Variants in GSAP observed in about 807,000 individuals in gnomAD.
The protein encoded by GSAP is gamma-secretase-activating protein.
In GSAP, 118 loss-of-function variants were observed where a neutral mutation model predicts 131.7. That is an observed-to-expected ratio of 0.90 (90% CI 0.77 to 1.04). The LOEUF (loss-of-function observed/expected upper bound fraction) is 1.04. GSAP is among the 50% of genes least tolerant of loss of function. GSAP has a pLI of 0.00. For missense variants in GSAP, 1,019 were observed against 1,013.2 expected (o/e 1.01, Z -0.08); for synonymous variants, 381 against 363.4 (o/e 1.05, Z -0.55).
At chr7:77,350,919 T>C (rs534771755) in intron 18 of GSAP, 1 of 155,936 alleles carries the variant, frequency 6.4e-6, no homozygotes. Flanking sequence ...TTGAAAAGTG[T>C]ATCTGTATGT....
At chr7:77,402,298 C>A (rs1801439716) in intron 3 of GSAP, among the ~76,000 whole-genome samples, 1 of 148,828 alleles carries the variant, frequency 6.7e-6, no homozygotes, top group Non-Finnish European at 1.5e-5. Context: ...CCTGTAATCT[C>A]AGCACTTTGG....
At chr7:77,342,403 T>G (rs1439970849) in intron 19 of GSAP, among the ~76,000 whole-genome samples, 1 of 152,192 alleles carries the variant, frequency 6.6e-6, no homozygotes, top group Admixed American at 6.5e-5. Context: ...TTGGACAACA[T>G]TCTTTTATGC....
chr7:77,332,408 C>T (rs1257744267), intron 19 of GSAP, among the ~76,000 whole-genome samples: 1 of 152,066 alleles, frequency 6.6e-6, no homozygotes, highest in Non-Finnish European at 1.5e-5. Flanking sequence ...TACATGCATA[C>T]ATTGTGGATT....
chr7:77,350,373 T>A (rs1452040685), intron 18 of GSAP, among the ~76,000 whole-genome samples: 2 of 149,086 alleles, frequency 1.3e-5, no homozygotes, highest in African/African-American at 2.5e-5. Flanking sequence ...TGTATACATA[T>A]GTAACTAACC....
Position 77,323,658 on chromosome 7 carries a change from T to G in GSAP, c.1912A>C (p.Ile638Leu). The change falls in exon 24 of 31, where the codon ATT (isoleucine) becomes CTT (leucine). Residue 638 changes from isoleucine (I) to leucine (L), a missense_variant. Coordinates refer to ENST00000257626, the MANE Select transcript of GSAP (RefSeq NM_017439.4). The stretch of plus-strand genomic sequence containing the variant: ...AAAGCAAGACCAACCAGTTTTGAAA[T>G]GTAGTCCAGAACCATCTGTTCAATT... ...KKIEQMVLDY[I>L]SKLLDLICHI... The G allele has an allele frequency of 6.3e-7, 1 of 1,583,168 alleles. No homozygotes were observed.
chr7:77,362,530 A>T, intron 13 of GSAP, 53 bp downstream of exon 13: 1 of 944,806 alleles, frequency 1.1e-6, no homozygotes, highest in African/African-American at 1.7e-5. Context: ...CTAATTTGCT[A>T]CTATTTGGAA....
At chr7:77,385,462 T>C (rs1366057243) in intron 6 of GSAP, among the ~76,000 whole-genome samples, 1 of 152,216 alleles carries the variant, frequency 6.6e-6, no homozygotes, top group Non-Finnish European at 1.5e-5. Flanking sequence ...TAAAAACTTT[T>C]CCCCTTTCTA....
In GSAP at chr7:77,344,528, A is replaced by C. The variant is rs374886584; in HGVS notation, c.1545+4823T>G. On this transcript the variant is annotated intron_variant, in intron 19 of 30. Transcript: ENST00000257626. Reference sequence around the variant, plus strand: ...ACCCCAAAAACTTGTCATCCGTACTATCTTCTGTCTAGTCATACTCCTATT... The same window carrying C: ...ACCCCAAAAACTTGTCATCCGTACTCTCTTCTGTCTAGTCATACTCCTATT... Among the ~76,000 whole-genome samples, 6 of 152,188 alleles carry C rather than the reference A, an allele frequency of 3.9e-5. No homozygotes were observed. In the East Asian group the frequency reaches 7.7e-4, roughly 20 times the overall value.
Position 77,362,135 on chromosome 7 carries a change from A to C in GSAP, c.949+448T>G, listed in dbSNP as rs374244878. ...CACCATTGACAACTTTCTTCAGGAA[A>C]TATATATCCTGTAAGTATACAGATA... On this transcript the variant is annotated intron_variant, in intron 13 of 30. Transcript: ENST00000257626. 2.0e-5 allele frequency among the ~76,000 whole-genome samples: 3 copies of C among 152,330 alleles called. No homozygotes were observed. In the South Asian group the frequency reaches 6.2e-4, roughly 32 times the overall value.
At chr7:77,394,330 G>GTT (rs753767856) in intron 5 of GSAP, among the ~76,000 whole-genome samples, 3 of 152,032 alleles carry the variant, frequency 2.0e-5, no homozygotes, top group Admixed American at 6.5e-5. Context: ...CACTATCCTT[G>GTT]AACAGCGAGT....
At chr7:77,339,278 G>T (rs11505827) in intron 19 of GSAP, among the ~76,000 whole-genome samples, 1 of 151,856 alleles carries the variant, frequency 6.6e-6, no homozygotes, top group East Asian at 1.9e-4. Flanking sequence ...GGTATTACGC[G>T]AGCAGAGATG....
chr7:77,408,124 C>T (rs1384784807), intron 1 of GSAP, among the ~76,000 whole-genome samples: 3 of 152,164 alleles, frequency 2.0e-5, no homozygotes, highest in African/African-American at 2.4e-5. Flanking sequence ...CCTTCCTGTT[C>T]TGAGTCTTAG....
intron 1 of GSAP, among the ~76,000 whole-genome samples, chr7:77,408,223 G>A (rs1802636810): frequency 6.6e-6 from 1 of 152,180 alleles, no homozygotes; most frequent in Non-Finnish European, 1.5e-5. Flanking sequence ...CTATTTTGCT[G>A]AAGGATATAC....
intron 5 of GSAP, among the ~76,000 whole-genome samples, chr7:77,390,695 T>A (rs1204017974): frequency 2.0e-5 from 3 of 152,000 alleles, no homozygotes; most frequent in Non-Finnish European, 1.5e-5. Flanking sequence ...GTGGCACATG[T>A]ATACATATGT....
At chr7:77,381,208 CATT>C (rs1323785225) in intron 8 of GSAP, 94 bp downstream of exon 8, 23 of 570,982 alleles carry the variant, frequency 4.0e-5, no homozygotes, top group Admixed American at 1.0e-4. Context: ...ATAAAGAAAA[CATT>C]ATATATCAAT....
intron 19 of GSAP, among the ~76,000 whole-genome samples, chr7:77,338,282 C>A (rs1790340921): frequency 6.6e-6 from 1 of 152,168 alleles, no homozygotes; most frequent in East Asian, 1.9e-4. Context: ...GGGATAAAAT[C>A]ATTCTTAGGA....
chr7:77,394,967 G>A (rs1362117828), intron 5 of GSAP, among the ~76,000 whole-genome samples: 2 of 152,114 alleles, frequency 1.3e-5, no homozygotes, highest in Non-Finnish European at 2.9e-5. Flanking sequence ...AACCAATAAC[G>A]TTCATTGCAC....
In GSAP at chr7:77,374,136, C is replaced by A. The variant is rs750153685; in HGVS notation, c.805G>T (p.Asp269Tyr). 1 of 1,581,412 alleles carries A rather than the reference C, an allele frequency of 6.3e-7. No homozygotes were observed. The highest frequency in any genetic ancestry group is 8.7e-7 in the Non-Finnish European group (1 of 1,154,926). ...AATTTATCTCGGTATTGATGATAAT[C>A]ACATCCAAAGTTGACAAGTCTAAGA... ...SGFKLVNFGC[D>Y]YHQYRDKFSK... Residue 269 changes from aspartate (D) to tyrosine (Y), a missense_variant, in exon 12 of 31, where the codon GAT becomes TAT. Asp to Tyr is a radical substitution (Grantham distance 160). Transcript: ENST00000257626.
rs1157284292 is a variant in GSAP, at chr7:77,355,350, C to A, written c.1201G>T (p.Gly401Ter). 1 of 1,612,372 alleles carries A rather than the reference C, an allele frequency of 6.2e-7. No individual in the cohort carries two copies. The highest frequency in any genetic ancestry group is 2.2e-5 in the East Asian group (1 of 44,824). Reference protein sequence around the residue: ...SGSLVLDCCSGKLYRALLSQS... With the variant: ...SGSLVLDCCS ...CTGAGCAGTGCTCTATAGAGCTTTC[C>A]AGAACAACAATCCAATACCAGGGAC... The change falls in exon 16 of 31, where the codon GGA becomes TGA. Residue 401 changes from glycine (G) to a stop codon, truncating the protein, a stop_gained. Transcript: ENST00000257626. LOFTEE classifies it high-confidence loss of function.
Sources: allele counts gnomAD v4.1 joint callset (sites outside exome capture counted in the v4.1 genomes callset), GRCh38; gene constraint gnomAD v4.1.1; transcripts MANE v1.5; gene names NCBI Gene and HGNC (gene_info 2026-07-23, HGNC 2026-07-21).